The following GART variants were observed in gnomAD, a reference collection of about 807,000 sequenced individuals.
GART encodes the protein phosphoribosylglycinamide formyltransferase, phosphoribosylglycinamide synthetase, phosphoribosylaminoimidazole synthetase.
In GART, 43 loss-of-function variants were observed where a neutral mutation model predicts 107.2. That is an observed-to-expected ratio of 0.40 (90% CI 0.31 to 0.52). GART has a LOEUF of 0.52. Among genes scored for constraint, GART ranks in the 20% least tolerant of loss-of-function variants. GART has a pLI of 0.52. For synonymous variants in GART, 434 were observed against 427.0 expected, an observed-to-expected ratio of 1.02 and a Z score of -0.20; for missense variants, 1,107 against 1,206.5, an observed-to-expected ratio of 0.92 and a Z score of 1.22.
In GART at chr21:33,535,275, T is replaced by C; in HGVS notation, c.191A>G (p.Glu64Gly). 6.3e-7 allele frequency: 1 copy of C among 1,594,652 alleles called. No homozygotes were observed. Among genetic ancestry groups the C allele is most frequent in the Non-Finnish European group, 8.5e-7 (1 of 1,173,148 alleles). ...DHTALAQFCK[E>G]KKIEFVVVGP... ...AACAACTACAAATTCAATTTTCTTC[T>C]CTTTGCAGAATTGAGCAAGGGCAGT... Residue 64 changes from glutamate to glycine, a missense_variant, in exon 3 of 22, where the codon GAG (glutamate) becomes GGG (glycine). Coordinates refer to ENST00000381815, the MANE Select transcript of GART (RefSeq NM_000819.5).
chr21:33,530,437 C>T (rs567762500), intron 7 of GART, among the ~76,000 whole-genome samples: 1 of 152,282 alleles, frequency 6.6e-6, no homozygotes, highest in African/African-American at 2.4e-5. Context: ...CACTTTTGTG[C>T]TGAACCACGG....
chr21:33,528,332 T>G lies in GART; in HGVS notation c.901A>C (p.Ile301Leu). Residue 301 changes from isoleucine (I) to leucine (L), a missense_variant, in exon 10 of 22, where the codon ATC becomes CTC. Coordinates refer to ENST00000381815, the MANE Select transcript of GART (RefSeq NM_000819.5). ...CRFGDPECQV[I>L]LPLLKSDLYE... ...AGATCACTTTTAAGAAGTGGGAGGA[T>G]TACCTGGAAAAACATAATCCACATG... 1 of 1,613,358 alleles carries G rather than the reference T, an allele frequency of 6.2e-7. No homozygotes were observed. The highest frequency in any genetic ancestry group is 8.5e-7 in the Non-Finnish European group (1 of 1,179,584).
chr21:33,535,324 T>TAAA lies in GART; in HGVS notation c.146-7_146-5dup. 1 of 548,062 alleles carries TAAA rather than the reference T, an allele frequency of 1.8e-6. No homozygotes were observed. The allele number at this position is 548,062 out of a possible 1,614,324, so 33.9% of individuals were successfully genotyped here. On this transcript the variant is annotated splice_region_variant and splice_polypyrimidine_tract_variant and intron_variant, in intron 2 of 21. Transcript: ENST00000381815. ...GTGTGGTCACTGATTGAGATGGCTG[T>TAAA]AAACAGAAAAAAAAAAAAAAAAACC... is the stretch of plus-strand genomic sequence containing the variant.
At chr21:33,521,065 G>T in intron 12 of GART, 50 bp from the exon 13 acceptor site, 1 of 1,426,208 alleles carries the variant, frequency 7.0e-7, no homozygotes, top group Non-Finnish European at 9.8e-7. Context: ...GATTAAACAT[G>T]TAATTATTTA....
intron 3 of GART, 108 bp downstream of exon 3, chr21:33,535,117 C>G: frequency 6.7e-6 from 5 of 742,960 alleles, no homozygotes; most frequent in Non-Finnish European, 1.0e-5. Context: ...AGCTCTTTTT[C>G]CAAGATAATA....
intron 7 of GART, among the ~76,000 whole-genome samples, chr21:33,530,470 C>G (rs996564569): frequency 6.6e-6 from 1 of 152,120 alleles, no homozygotes; most frequent in African/African-American, 2.4e-5. Context: ...GAATCCAAGA[C>G]CACGACAGGC....
At chr21:33,530,314 C>CA (rs2085160190) in intron 7 of GART, among the ~76,000 whole-genome samples, 1 of 152,194 alleles carries the variant, frequency 6.6e-6, no homozygotes, top group Admixed American at 6.5e-5. Flanking sequence ...CACACACACA[C>CA]AAGAAATTCT....
chr21:33,513,766 A>T (rs1448942059), intron 16 of GART, among the ~76,000 whole-genome samples: 1 of 152,198 alleles, frequency 6.6e-6, no homozygotes, highest in Non-Finnish European at 1.5e-5. Flanking sequence ...GTAAAATGGA[A>T]TACTTGTTAT....
intron 14 of GART, 145 bp downstream of exon 14, chr21:33,520,219 A>G (rs1403168463): frequency 5.9e-6 from 4 of 679,650 alleles, no homozygotes; most frequent in Non-Finnish European, 5.0e-6. Context: ...AGTTTTACCT[A>G]TATTTCATTT....
chr21:33,542,602 G>A (rs913449977), upstream of GART: 7 of 157,826 alleles, frequency 4.4e-5, no homozygotes, highest in African/African-American at 1.4e-4. Context: ...AGTGGGGGCG[G>A]GGGCTGAAAA....
chr21:33,534,802 C>T, intron 3 of GART, 49 bp from the exon 4 acceptor site: 2 of 1,482,700 alleles, frequency 1.3e-6, no homozygotes, highest in South Asian at 1.4e-5. Flanking sequence ...TCCCCAGGGG[C>T]TTTTCAGCCT....
In GART at chr21:33,534,580, T is replaced by A; in HGVS notation, c.415A>T (p.Ser139Cys). 1 of 1,614,030 alleles carries A rather than the reference T, an allele frequency of 6.2e-7. No homozygotes were observed. The highest frequency in any genetic ancestry group is 8.5e-7 in the Non-Finnish European group (1 of 1,179,964). The change falls in exon 4 of 22, where the codon AGT becomes TGT. Residue 139 changes from serine (S) to cysteine (C), a missense_variant and splice_region_variant. Ser to Cys is a moderately radical substitution (Grantham distance 112, BLOSUM62 -1). Transcript: ENST00000381815. ...CTTCACAGACAACCATTTACCTACC[T>A]CAAAATGAAGCTGCAGGCTTCTTCA... ...KPEEACSFILSADFPALVVKA... is the reference protein window; with the variant it reads ...KPEEACSFILCADFPALVVKA...
At chr21:33,511,594 C>G (rs1422554977) in intron 16 of GART, 136 bp from the exon 17 acceptor site, 2 of 886,740 alleles carry the variant, frequency 2.3e-6, no homozygotes, top group Admixed American at 5.1e-5. Flanking sequence ...AAATTGGCCT[C>G]TGAGAACTTT....
At chr21:33,518,814 T>A in intron 14 of GART, 1 of 521,944 alleles carries the variant, frequency 1.9e-6, no homozygotes, top group Non-Finnish European at 3.8e-6. Context: ...CTTAAACTAG[T>A]CAGATTGTCT....
At chr21:33,521,371 C>T (rs141209532) in intron 12 of GART, among the ~76,000 whole-genome samples, 2 of 152,190 alleles carry the variant, frequency 1.3e-5, no homozygotes, top group East Asian at 3.9e-4. Context: ...GTGGCTCACC[C>T]CTGTAATCCC....
chr21:33,542,018 C>G (rs1270609600), intron 1 of GART, 47 bp downstream of exon 1: 1 of 152,242 alleles, frequency 6.6e-6, no homozygotes, highest in East Asian at 1.9e-4. Context: ...AATCCCCAAA[C>G]CAAAGCCTAA....
At chr21:33,512,060 C>T (rs1416726390) in intron 16 of GART, among the ~76,000 whole-genome samples, 4 of 151,630 alleles carry the variant, frequency 2.6e-5, no homozygotes, top group African/African-American at 9.7e-5. Flanking sequence ...CTGAGGTGGG[C>T]GGATCACGAG....
intron 2 of GART, among the ~76,000 whole-genome samples, chr21:33,535,800 G>C (rs1244072033): frequency 6.6e-6 from 1 of 152,092 alleles, no homozygotes; most frequent in Admixed American, 6.6e-5. Flanking sequence ...GGCCGAGGTG[G>C]GTGGATCACC....
At position 33,539,259 on chromosome 21, in the gene GART, C is replaced by A; in HGVS notation, c.57G>T (p.Trp19Cys). The A allele has an allele frequency of 6.2e-7, 1 of 1,614,178 alleles. No individual in the cohort carries two copies. The highest frequency in any genetic ancestry group is 8.5e-7 in the Non-Finnish European group (1 of 1,179,992). Residue 19 changes from tryptophan (W) to cysteine (C), a missense_variant, in exon 2 of 22, where the codon TGG becomes TGT. Trp to Cys is a radical substitution (Grantham distance 215, BLOSUM62 -2). Coordinates refer to ENST00000381815, the MANE Select transcript of GART (RefSeq NM_000819.5). Reference sequence around the variant, plus strand: ...TGACATGATGAGACTGTGCAAGTTTCCAGGCCAGCGTATGTTCCCTTCCTC... The same window carrying A: ...TGACATGATGAGACTGTGCAAGTTTACAGGCCAGCGTATGTTCCCTTCCTC... The part of the protein sequence containing the change: ...GSGGREHTLA[W>C]KLAQSHHVKQ...
Sources: allele counts gnomAD v4.1 joint callset (sites outside exome capture counted in the v4.1 genomes callset), GRCh38; gene constraint gnomAD v4.1.1; transcripts MANE v1.5; gene names NCBI Gene and HGNC (gene_info 2026-07-23, HGNC 2026-07-21).